AACS: variants seen among roughly 807,000 people sequenced by gnomAD.
AACS encodes acetoacetate-CoA ligase.
AACS carries 69 observed loss-of-function variants against 83.1 expected under a neutral mutation model. That is an observed-to-expected ratio of 0.83 (90% CI 0.68 to 1.01). The LOEUF (loss-of-function observed/expected upper bound fraction) is 1.01. Among genes scored for constraint, AACS ranks in the 50% least tolerant of loss-of-function variants. The probability of loss-of-function intolerance (pLI) is 0.00; values close to 1 mark genes in which losing one functional copy is unlikely to be tolerated. For missense variants in AACS, 866 were observed against 882.2 expected (o/e 0.98, Z 0.23); for synonymous variants, 333 against 343.4 (o/e 0.97, Z 0.33).
At chr12:125,091,234 A>C (rs1956477993) in intron 4 of AACS, 192 bp from the exon 5 acceptor site, 1 of 615,768 alleles carries the variant, frequency 1.6e-6, no homozygotes, top group African/African-American at 1.8e-5. Context: ...AATGGATTGC[A>C]GGGGGATGGT....
chr12:125,109,834 G>A (rs575574151), intron 8 of AACS, among the ~76,000 whole-genome samples: 4 of 152,202 alleles, frequency 2.6e-5, no homozygotes, highest in Non-Finnish European at 4.4e-5. Flanking sequence ...GAATGGCTCT[G>A]TTTGGGTATG....
intron 3 of AACS, among the ~76,000 whole-genome samples, chr12:125,079,311 G>A (rs1441153490): frequency 1.3e-5 from 2 of 152,200 alleles, no homozygotes; most frequent in African/African-American, 2.4e-5. Flanking sequence ...CCTGGCTGCT[G>A]GGTGGAGAAC....
At chr12:125,101,687 C>T (rs1956711197) in intron 5 of AACS, 1 of 150,276 alleles carries the variant, frequency 6.7e-6, no homozygotes, top group African/African-American at 2.4e-5. Context: ...TCTGTAAATA[C>T]TTCTGGTATT....
Position 125,076,631 on chromosome 12 carries a change from C to T in AACS, c.358+20C>T, listed in dbSNP as rs1246783016. On this transcript the variant is annotated intron_variant, in intron 3 of 17. Coordinates refer to ENST00000316519, the MANE Select transcript of AACS (RefSeq NM_023928.5). The stretch of plus-strand genomic sequence containing the variant: ...TTGCAAGTAAGTCCTGATGGCGAGA[C>T]CTGGGATTTCCTCCGTGGAAGTTCT... 3.1e-6 allele frequency: 5 copies of T among 1,613,400 alleles called. No individual in the cohort carries two copies. The highest frequency in any genetic ancestry group is 4.2e-6 in the Non-Finnish European group (5 of 1,179,698).
chr12:125,102,823 A>C, intron 6 of AACS, 30 bp downstream of exon 6: 2 of 1,593,980 alleles, frequency 1.3e-6, no homozygotes, highest in Admixed American at 3.3e-5. Flanking sequence ...CCCAGCCGGC[A>C]TGGCTGGGTG....
At position 125,130,430 on chromosome 12, in the gene AACS, AAC is replaced by A. The variant is rs1957314753; in HGVS notation, c.1549+973_1549+974del. 6.6e-6 allele frequency among the ~76,000 whole-genome samples: 1 copy of A among 152,232 alleles called. No individual in the cohort carries two copies. The highest frequency in any genetic ancestry group is 2.1e-4 in the South Asian group (1 of 4,836). ...AGAAAAGCAAGAGTGGATGTAGAGA[AAC>A]ACTCATCAGATGACCCTGAAGAGGA... is the stretch of plus-strand genomic sequence containing the variant. On this transcript the variant is annotated intron_variant, in intron 14 of 17. Coordinates refer to ENST00000316519, the MANE Select transcript of AACS (RefSeq NM_023928.5). This position sits in a 1 kb window ranked among gnomAD's most constrained non-coding sequence, Gnocchi z 4.9.
In AACS at chr12:125,097,229, CAGA is replaced by C. The variant is rs201446189; in HGVS notation, c.571-5441_571-5439del. Among the ~76,000 whole-genome samples the C allele has an allele frequency of 3.5e-3, 539 of 152,026 alleles. 4 individuals carry two copies. Among genetic ancestry groups the C allele is most frequent in the Admixed American group, 0.028 (425 of 15,256 alleles). On this transcript the variant is annotated intron_variant, in intron 5 of 17. Coordinates refer to ENST00000316519, the MANE Select transcript of AACS (RefSeq NM_023928.5). This position sits in a 1 kb window ranked among gnomAD's most constrained non-coding sequence, Gnocchi z 4.3. ...ACCACCTCTGTGTAGCAGTTTAGAGCAGAAGAAGAAGTAGTAGGAAATAGTCTT... is the reference window on the plus strand; with the variant it reads ...ACCACCTCTGTGTAGCAGTTTAGAGCAGAAGAAGTAGTAGGAAATAGTCTT...
intron 3 of AACS, among the ~76,000 whole-genome samples, chr12:125,081,069 T>C (rs1041061233): frequency 1.3e-5 from 2 of 152,182 alleles, no homozygotes; most frequent in African/African-American, 2.4e-5. Flanking sequence ...CACAGTTCAC[T>C]GCAATCTCCA....
At chr12:125,082,596 G>C (rs890122835) in intron 3 of AACS, among the ~76,000 whole-genome samples, 1 of 152,060 alleles carries the variant, frequency 6.6e-6, no homozygotes, top group East Asian at 1.9e-4. Context: ...CCCGAAGTGG[G>C]TGGATCACAA....
At chr12:125,131,566 A>G (rs562054215) in intron 14 of AACS, among the ~76,000 whole-genome samples, 49 of 152,278 alleles carry the variant, frequency 3.2e-4, no homozygotes, top group African/African-American at 1.2e-3. Flanking sequence ...ATAAATGAAT[A>G]ATGAGTATGA....
At chr12:125,102,654 G>T in intron 5 of AACS, 25 bp from the exon 6 acceptor site, 2 of 1,608,122 alleles carry the variant, frequency 1.2e-6, no homozygotes, top group Non-Finnish European at 1.7e-6. Context: ...GATGATCAAT[G>T]ATGACTTTTT....
chr12:125,106,188 TGAGA>T (rs1376147578), intron 7 of AACS, among the ~76,000 whole-genome samples: 1 of 152,228 alleles, frequency 6.6e-6, no homozygotes, highest in Non-Finnish European at 1.5e-5. Flanking sequence ...CCTCCTTCCC[TGAGA>T]GAAAGTCCAT....
intron 6 of AACS, 26 bp from the exon 7 acceptor site, chr12:125,102,974 G>T: frequency 6.3e-7 from 1 of 1,589,200 alleles, no homozygotes; most frequent in Non-Finnish European, 8.6e-7. Flanking sequence ...CTGTAACCTT[G>T]TGTTTTCTCC....
At chr12:125,071,927 G>T (rs140110904) in intron 1 of AACS, among the ~76,000 whole-genome samples, 1 of 150,112 alleles carries the variant, frequency 6.7e-6, no homozygotes, top group East Asian at 2.0e-4. Flanking sequence ...GCACGATCTC[G>T]GCTCACTGCA....
intron 14 of AACS, among the ~76,000 whole-genome samples, chr12:125,132,366 G>A (rs867054771): frequency 6.6e-6 from 1 of 152,172 alleles, no homozygotes; most frequent in Non-Finnish European, 1.5e-5. Flanking sequence ...GAAATTTCTC[G>A]TCCGATTAAA....
At chr12:125,137,979 G>T (rs147862200) in intron 17 of AACS, among the ~76,000 whole-genome samples, 2 of 152,174 alleles carry the variant, frequency 1.3e-5, no homozygotes, top group Non-Finnish European at 2.9e-5. Flanking sequence ...ATCTGATGCC[G>T]TTTACTTTGA....
chr12:125,106,339 C>T (rs530104592), intron 7 of AACS, among the ~76,000 whole-genome samples: 8 of 152,316 alleles, frequency 5.3e-5, no homozygotes, highest in East Asian at 1.9e-4. Context: ...CTGTTTGTGT[C>T]GCCCCTTTGG....
At chr12:125,069,457 A>G (rs1393717622) in intron 1 of AACS, among the ~76,000 whole-genome samples, 1 of 152,136 alleles carries the variant, frequency 6.6e-6, no homozygotes, top group Non-Finnish European at 1.5e-5. Context: ...TGCCATAACC[A>G]CAGGTTGGTT....
chr12:125,132,308 G>A (rs1957339705), intron 14 of AACS, among the ~76,000 whole-genome samples: 2 of 152,274 alleles, frequency 1.3e-5, no homozygotes, highest in South Asian at 4.2e-4. Flanking sequence ...TGCATTTCCG[G>A]GGTCTCAGTA....
Sources: allele counts gnomAD v4.1 joint callset (sites outside exome capture counted in the v4.1 genomes callset), GRCh38; gene constraint gnomAD v4.1.1; non-coding constraint Gnocchi (gnomAD v3.1); transcripts MANE v1.5; gene names NCBI Gene and HGNC (gene_info 2026-07-23, HGNC 2026-07-21).